The following LAMC3 variants were observed in gnomAD, a reference collection of about 807,000 sequenced individuals.
LAMC3 encodes laminin subunit gamma-3.
In LAMC3, 128 loss-of-function variants were observed where a neutral mutation model predicts 173.8. The ratio of observed to expected loss-of-function variants is 0.74; its 90% CI spans 0.64 to 0.85. LAMC3 has a LOEUF of 0.85. Ranked by LOEUF, LAMC3 falls within the 40% of genes least tolerant of loss-of-function variation. The pLI, the probability that LAMC3 is intolerant of heterozygous loss-of-function variation, is 0.00. For synonymous variants in LAMC3, 897 were observed against 909.1 expected, an observed-to-expected ratio of 0.99 and a Z score of 0.24; for missense variants, 2,022 against 2,156.0, an observed-to-expected ratio of 0.94 and a Z score of 1.23.
chr9:131,073,347 A>G, intron 20 of LAMC3, 26 bp downstream of exon 20: 1 of 1,574,802 alleles, frequency 6.3e-7, no homozygotes, highest in Non-Finnish European at 8.7e-7. Context: ...TGGTGAGCTT[A>G]CACCTGGCCC....
chr9:131,066,857 G>A (rs1445780935), intron 13 of LAMC3, 103 bp from the exon 14 acceptor site: 5 of 1,487,306 alleles, frequency 3.4e-6, no homozygotes, highest in Non-Finnish European at 3.7e-6. Context: ...AGCCCGTGCT[G>A]CTCCGGGGAA....
rs200363594 is a variant in LAMC3 at position 131,061,212 on chromosome 9, C to T, written c.2336C>T (p.Pro779Leu). 44 of 1,607,126 alleles carry T rather than the reference C, an allele frequency of 2.7e-5. No homozygotes were observed. The East Asian group carries it at 3.8e-4, about 14-fold the overall frequency. Residue 779 changes from proline to leucine, a missense_variant, in exon 13 of 28, where the codon CCG (proline) becomes CTG (leucine). Pro to Leu is a moderately conservative substitution (Grantham distance 98, BLOSUM62 -3). Transcript: ENST00000361069. ...GAGGTGGTGTGTACCCACTGCCCCC[C>T]GGGCCAGAGAGGTAAGTGACTCCTG... ...SREVVCTHCP[P>L]GQRGRRCEVC...
At chr9:131,034,482 C>A (rs1023711708) in intron 3 of LAMC3, among the ~76,000 whole-genome samples, 5 of 152,276 alleles carry the variant, frequency 3.3e-5, no homozygotes, top group Non-Finnish European at 1.5e-5. Context: ...CCACAGAGGG[C>A]AGAGCGTGGA....
At chr9:131,037,058 G>A (rs551854794) in intron 4 of LAMC3, among the ~76,000 whole-genome samples, 4 of 152,172 alleles carry the variant, frequency 2.6e-5, no homozygotes, top group Non-Finnish European at 4.4e-5. Flanking sequence ...GGCCACTGGC[G>A]ACCAGAACTG....
Position 131,009,276 on chromosome 9 carries a change from G to A in LAMC3, c.62G>A (p.Gly21Asp), listed in dbSNP as rs569797742. Reference sequence around the variant, plus strand: ...CTGGCACCGCGGGCGGCCGGCGCGGGCATGGGCGCGTGCTATGACGGCGCA... The same window carrying A: ...CTGGCACCGCGGGCGGCCGGCGCGGACATGGGCGCGTGCTATGACGGCGCA... ...ALLAPRAAGA[G>D]MGACYDGAGR... is the part of the protein sequence containing the mutation. The change falls in exon 1 of 28, where the codon GGC becomes GAC. Residue 21 changes from glycine to aspartate, a missense_variant. Coordinates refer to ENST00000361069, the MANE Select transcript of LAMC3 (RefSeq NM_006059.4). The surrounding 1 kb of genome is among the most constrained non-coding windows in gnomAD (Gnocchi z 4.3). 2.2e-6 allele frequency: 3 copies of A among 1,369,568 alleles called. No homozygotes were observed. Among genetic ancestry groups the A allele is most frequent in the African/African-American group, 1.5e-5 (1 of 65,350 alleles). 84.8% of individuals were successfully genotyped at this position (1,369,568 alleles called of 1,614,324 possible).
Position 131,029,387 on chromosome 9 carries a change from G to A in LAMC3, c.679-2658G>A, listed in dbSNP as rs1445949940. ...CCGAGGTCAGATGAAGACAGGCAGG[G>A]AGGGCCGGCCCCCGCTCCCACCTGC... is the stretch of plus-strand genomic sequence containing the variant. On this transcript the variant is annotated intron_variant, in intron 2 of 27. Transcript: ENST00000361069. This position sits in a 1 kb window ranked among gnomAD's most constrained non-coding sequence, Gnocchi z 4.6. Among the ~76,000 whole-genome samples, 1 of 152,226 alleles carries A rather than the reference G, an allele frequency of 6.6e-6. No homozygotes were observed. The highest frequency in any genetic ancestry group is 1.9e-4 in the East Asian group (1 of 5,188).
chr9:131,024,504 G>A (rs923951832), intron 1 of LAMC3, among the ~76,000 whole-genome samples: 8 of 152,008 alleles, frequency 5.3e-5, no homozygotes, highest in Admixed American at 3.3e-4. Flanking sequence ...GCTTGTCCTC[G>A]GCACCTAAGG....
rs12336990 is a variant in LAMC3, at chr9:131,024,955, G to C, written c.374-1330G>C. 5.9e-3 allele frequency among the ~76,000 whole-genome samples: 898 copies of C among 152,238 alleles called. 9 individuals are homozygous for C. Among genetic ancestry groups the C allele is most frequent in the African/African-American group, 0.021 (860 of 41,526 alleles). ...GGGCTTAAGGTTGAGTTGGGCTTCT[G>C]TGAGGAGGGGGTACCTGGATGGAGT... On this transcript the variant is annotated intron_variant, in intron 1 of 27. Coordinates refer to ENST00000361069, the MANE Select transcript of LAMC3 (RefSeq NM_006059.4).
rs777303099 is a variant in LAMC3 at position 131,068,172 on chromosome 9, G to A, written c.2688G>A (p.Arg896=). The A allele has an allele frequency of 6.2e-7, 1 of 1,613,212 alleles. No homozygotes were observed. The highest frequency in any genetic ancestry group is 8.5e-7 in the Non-Finnish European group (1 of 1,179,888). The change falls in exon 15 of 28, where the codon CGG becomes CGA. Residue 896 remains arginine (R), a synonymous_variant. Transcript: ENST00000361069. ...CCTGCCTGCCTCATGTGACTGCACG[G>A]GACTGCAGCCGCTGCTACCCTGGCT... The part of the protein sequence containing the change: ...QCSCLPHVTA[R]DCSRCYPGFF...
Position 131,045,404 on chromosome 9 carries a change from A to C in LAMC3, c.1383-120A>C, listed in dbSNP as rs901465782. 5.2e-6 allele frequency: 6 copies of C among 1,159,820 alleles called. No individual in the cohort carries two copies. In the African/African-American group the frequency reaches 9.1e-5, roughly 18 times the overall value. 71.8% of individuals were successfully genotyped at this position (1,159,820 alleles called of 1,614,324 possible). On this transcript the variant is annotated intron_variant, in intron 7 of 27. Transcript: ENST00000361069. Reference sequence around the variant, plus strand: ...TACTCTTCTAGAATTCTGAAAAAAAATTGTTTTTAAGTTTCTGCAGTGATT... The same window carrying C: ...TACTCTTCTAGAATTCTGAAAAAAACTTGTTTTTAAGTTTCTGCAGTGATT...
At chr9:131,038,286 T>TTGCC (rs1012825349) in intron 4 of LAMC3, among the ~76,000 whole-genome samples, 2 of 152,332 alleles carry the variant, frequency 1.3e-5, no homozygotes, top group African/African-American at 2.4e-5. Context: ...GTTTGCTTGC[T>TTGCC]TGCCGTCTGG....
intron 7 of LAMC3, among the ~76,000 whole-genome samples, chr9:131,042,064 C>T (rs1834066576): frequency 6.6e-6 from 1 of 152,158 alleles, no homozygotes; most frequent in Non-Finnish European, 1.5e-5. Context: ...AGATGGTGCT[C>T]GTACTACCAC....
chr9:131,076,141 C>A (rs538747190), intron 21 of LAMC3, among the ~76,000 whole-genome samples, 176 bp downstream of exon 21: 1 of 152,132 alleles, frequency 6.6e-6, no homozygotes, highest in Non-Finnish European at 1.5e-5. Context: ...TGGGCCCACT[C>A]GGTGGTGAGT....
chr9:131,073,048 A>G (rs1830064020), intron 19 of LAMC3, among the ~76,000 whole-genome samples, 197 bp from the exon 20 acceptor site: 1 of 152,228 alleles, frequency 6.6e-6, no homozygotes, highest in South Asian at 2.1e-4. Context: ...CTGAATGCGC[A>G]GTAAGTGGTG....
In LAMC3 at chr9:131,071,504, A is replaced by G; in HGVS notation, c.3090A>G (p.Arg1030=). Residue 1030 remains arginine (R), a synonymous_variant, in exon 18 of 28, where the codon AGA becomes AGG. Coordinates refer to ENST00000361069, the MANE Select transcript of LAMC3 (RefSeq NM_006059.4). ...TCCAGGCAGCCAAGCTGAAGGCCAG[A>G]CTGACTTTGACGGAGGGGTGGCTCC... ...VKEEAAKLKA[R]LTLTEGWLQG... 1.9e-6 allele frequency: 3 copies of G among 1,613,870 alleles called. No individual in the cohort carries two copies. The highest frequency in any genetic ancestry group is 2.7e-5 in the African/African-American group (2 of 75,044).
At position 131,067,007 on chromosome 9, in the gene LAMC3, G is replaced by A; in HGVS notation, c.2395G>A (p.Gly799Arg). 1 of 1,614,030 alleles carries A rather than the reference G, an allele frequency of 6.2e-7. No homozygotes were observed. The highest frequency in any genetic ancestry group is 8.5e-7 in the Non-Finnish European group (1 of 1,180,012). Residue 799 changes from glycine to arginine, a missense_variant, in exon 14 of 28, where the codon GGG (glycine) becomes AGG (arginine). Physicochemically the swap from Gly to Arg is moderately radical, Grantham distance 125. Coordinates refer to ENST00000361069, the MANE Select transcript of LAMC3 (RefSeq NM_006059.4). Reference sequence around the variant, plus strand: ...TGATGGCTTTTTTGGGGACCCGCTGGGGCTCTTTGGGCACCCCCAGCCCTG... The same window carrying A: ...TGATGGCTTTTTTGGGGACCCGCTGAGGCTCTTTGGGCACCCCCAGCCCTG... ...CDDGFFGDPL[G>R]LFGHPQPCHQ... is the part of the protein sequence containing the mutation.
At chr9:131,034,801 CG>C (rs1336069016) in intron 3 of LAMC3, among the ~76,000 whole-genome samples, 3 of 152,200 alleles carry the variant, frequency 2.0e-5, no homozygotes, top group Non-Finnish European at 4.4e-5. Context: ...GAGCATGCCG[CG>C]GGCTCCCAGG....
intron 7 of LAMC3, 89 bp from the exon 8 acceptor site, chr9:131,045,435 C>A: frequency 6.9e-7 from 1 of 1,456,562 alleles, no homozygotes; most frequent in Non-Finnish European, 9.6e-7. Context: ...TGATTCTAGA[C>A]TCTCATTGGT....
chr9:131,061,362 A>G (rs1829817183), intron 13 of LAMC3, 139 bp downstream of exon 13: 2 of 703,792 alleles, frequency 2.8e-6, no homozygotes, highest in Admixed American at 2.5e-5. Context: ...GGCAGCAGGC[A>G]TGACCTCTGA....
Sources: gnomAD v4.1 joint callset for allele counts (sites outside exome capture counted in the v4.1 genomes callset) on GRCh38, gnomAD v4.1.1 for gene constraint, Gnocchi (gnomAD v3.1) non-coding constraint, MANE v1.5 for transcripts, NCBI Gene and HGNC (gene_info 2026-07-23, HGNC 2026-07-21) for gene names.